Variants in RAB3GAP2 observed in about 807,000 individuals in gnomAD.
RAB3GAP2 encodes rab3 GTPase-activating protein non-catalytic subunit.
In RAB3GAP2, 87 loss-of-function variants were observed where a neutral mutation model predicts 185.3. The ratio of observed to expected loss-of-function variants is 0.47; its 90% CI spans 0.39 to 0.56. The LOEUF (loss-of-function observed/expected upper bound fraction) is 0.56, where lower values mean the gene tolerates loss of function less well. Among genes scored for constraint, RAB3GAP2 ranks in the 20% least tolerant of loss-of-function variants. The probability of loss-of-function intolerance (pLI) is 0.00; values close to 1 mark genes in which losing one functional copy is unlikely to be tolerated. For missense variants in RAB3GAP2, 1,492 were observed against 1,638.2 expected, an observed-to-expected ratio of 0.91 and a Z score of 1.54; for synonymous variants, 554 against 576.1, an observed-to-expected ratio of 0.96 and a Z score of 0.55.
At chr1:220,201,301 C>T (rs1658853230) in intron 9 of RAB3GAP2, among the ~76,000 whole-genome samples, 1 of 152,010 alleles carries the variant, frequency 6.6e-6, no homozygotes, top group African/African-American at 2.4e-5. Context: ...CTACCTCAGC[C>T]TTCTGAGTAG....
intron 31 of RAB3GAP2, chr1:220,154,308 C>T: frequency 2.3e-6 from 1 of 432,700 alleles, no homozygotes; most frequent in South Asian, 2.6e-5. Flanking sequence ...AGGCTGATGA[C>T]TTGCTTCTAG....
Position 220,170,889 on chromosome 1 carries a change from T to C in RAB3GAP2, c.2806+3A>G, listed in dbSNP as rs754249868. On this transcript the variant is annotated splice_donor_region_variant and intron_variant, in intron 24 of 34. Transcript: ENST00000358951. ...GCAAATGCTCAAATAAACTTCAGCT[T>C]ACCTTTTCCTCCTTCTAATAACTTT... The C allele has an allele frequency of 3.7e-6, 6 of 1,608,798 alleles. No individual in the cohort carries two copies. Among genetic ancestry groups the C allele is most frequent in the Non-Finnish European group, 4.3e-6 (5 of 1,175,056 alleles).
Position 220,162,146 on chromosome 1 carries a change from G to A in RAB3GAP2, c.3225+52C>T, listed in dbSNP as rs79156045. ...AATGTGAACAATCTTTCTAATATTA[G>A]TCAAATAAGAGAATCAAATAAATAA... On this transcript the variant is annotated intron_variant, in intron 28 of 34. Transcript: ENST00000358951. 8.0e-4 allele frequency: 1,044 copies of A among 1,305,596 alleles called. 3 individuals carry two copies. In the East Asian group the frequency reaches 0.018, roughly 23 times the overall value. The allele number at this position is 1,305,596 out of a possible 1,614,324, so 80.9% of individuals were successfully genotyped here. A position where few individuals can be genotyped will look rare whatever the true frequency, so the allele number is the denominator to read the frequency against.
chr1:220,272,425 A>T lies in RAB3GAP2; in HGVS notation c.-88T>A, dbSNP rs937827352. 1 of 845,394 alleles carries T rather than the reference A, an allele frequency of 1.2e-6. No homozygotes were observed. Among genetic ancestry groups the T allele is most frequent in the African/African-American group, 1.7e-5 (1 of 58,882 alleles). 52.4% of individuals were successfully genotyped at this position (845,394 alleles called of 1,614,324 possible). A position where few individuals can be genotyped will look rare whatever the true frequency, so the allele number is the denominator to read the frequency against. On this transcript the variant is annotated 5_prime_UTR_variant, in exon 1 of 35. Transcript: ENST00000358951. ...ACTGCGGCCGCCACCGAGCCCCAAT[A>T]GCTCTAGCCAAGCAGAAGGCGGAGA...
At chr1:220,219,278 G>A (rs1388607502) in intron 2 of RAB3GAP2, among the ~76,000 whole-genome samples, 1 of 148,246 alleles carries the variant, frequency 6.7e-6, no homozygotes, top group Non-Finnish European at 1.5e-5. Context: ...GAAGCCAACT[G>A]ACAGGATGAT....
In RAB3GAP2 at chr1:220,148,815, G is replaced by A. The variant is rs1030818598; in HGVS notation, c.*2436C>T. On this transcript the variant is annotated 3_prime_UTR_variant, in exon 35 of 35. Transcript: ENST00000358951. ...TATCTCTTTATCTACATTTACCCTG[G>A]CCCCTCTAGTTCTGCATCTAAACAG... 2 of 151,974 alleles carry A rather than the reference G, an allele frequency of 1.3e-5. No homozygotes were observed. The highest frequency in any genetic ancestry group is 2.9e-5 in the Non-Finnish European group (2 of 68,002). 9.4% of individuals were successfully genotyped at this position (151,974 alleles called of 1,614,324 possible).
At chr1:220,243,695 C>T (rs1391221127) in intron 1 of RAB3GAP2, among the ~76,000 whole-genome samples, 1 of 152,198 alleles carries the variant, frequency 6.6e-6, no homozygotes, top group East Asian at 1.9e-4. Context: ...TTTGAGTCCA[C>T]TCACAGTCTC....
chr1:220,195,295 T>A lies in RAB3GAP2; in HGVS notation c.1040+3A>T, dbSNP rs1419804054. ...TTTGTTATTTTAATTGTTAAGTAAT[T>A]ACCTGGCAGCATTAAATAAAGCAGA... On this transcript the variant is annotated splice_donor_region_variant and intron_variant, in intron 11 of 34. Transcript: ENST00000358951. 6.2e-7 allele frequency: 1 copy of A among 1,605,562 alleles called. No homozygotes were observed. The highest frequency in any genetic ancestry group is 8.5e-7 in the Non-Finnish European group (1 of 1,172,200).
intron 1 of RAB3GAP2, among the ~76,000 whole-genome samples, chr1:220,253,157 G>C (rs1659969956): frequency 6.6e-6 from 1 of 152,202 alleles, no homozygotes; most frequent in Non-Finnish European, 1.5e-5. Flanking sequence ...ATTGTGACCA[G>C]ACTGCTTCTT....
chr1:220,167,298 G>A lies in RAB3GAP2; in HGVS notation c.3082C>T (p.Pro1028Ser). The A allele has an allele frequency of 6.2e-7, 1 of 1,613,082 alleles. No individual in the cohort carries two copies. Reference sequence around the variant, plus strand: ...AGAGGTAACGAGAATCTTACCTCTGGATCTTTATTCCACTGAACAACGTAC... The same window carrying A: ...AGAGGTAACGAGAATCTTACCTCTGAATCTTTATTCCACTGAACAACGTAC... ...WEYVVQWNKD[P>S]EEARFFVRSI... The change falls in exon 26 of 35, where the codon CCA becomes TCA. Residue 1028 changes from proline (P) to serine (S), a missense_variant. This residue lies in a region of RAB3GAP2 where 387 missense variants were observed against 455.3 expected (regional missense o/e 0.85). Transcript: ENST00000358951.
chr1:220,185,608 T>C (rs376507460), intron 18 of RAB3GAP2, 43 bp downstream of exon 18: 2 of 1,453,524 alleles, frequency 1.4e-6, no homozygotes, highest in Non-Finnish European at 1.9e-6. Context: ...GTTACAAAAT[T>C]TGAGTTAAGA....
In RAB3GAP2 at chr1:220,167,298, G is replaced by C. The variant is rs1474788064; in HGVS notation, c.3082C>G (p.Pro1028Ala). 2 of 1,613,082 alleles carry C rather than the reference G, an allele frequency of 1.2e-6. No individual in the cohort carries two copies. Among genetic ancestry groups the C allele is most frequent in the Middle Eastern group, 1.7e-4 (1 of 6,060 alleles). The change falls in exon 26 of 35, where the codon CCA (proline) becomes GCA (alanine). Residue 1028 changes from proline (P) to alanine (A), a missense_variant. By Grantham distance (27) the Pro-to-Ala change is conservative (BLOSUM62 -1). Around this residue, in one of 5 missense-constraint regions of RAB3GAP2, gnomAD observed 387 missense variants for 455.3 expected, o/e 0.85. Coordinates refer to ENST00000358951, the MANE Select transcript of RAB3GAP2 (RefSeq NM_012414.4). ...WEYVVQWNKD[P>A]EEARFFVRSI... ...AGAGGTAACGAGAATCTTACCTCTG[G>C]ATCTTTATTCCACTGAACAACGTAC... is the stretch of plus-strand genomic sequence containing the variant.
intron 3 of RAB3GAP2, 40 bp from the exon 4 acceptor site, chr1:220,213,008 T>C (rs1446937164): frequency 4.9e-6 from 7 of 1,421,750 alleles, no homozygotes; most frequent in Admixed American, 3.7e-5. Context: ...ATTTTAGCTA[T>C]AATACACTAA....
Position 220,195,116 on chromosome 1 carries a change from T to C in RAB3GAP2, c.1092A>G (p.Gln364=), listed in dbSNP as rs772862686. 29 of 1,614,064 alleles carry C rather than the reference T, an allele frequency of 1.8e-5. No homozygotes were observed. Among genetic ancestry groups the C allele is most frequent in the Non-Finnish European group, 2.2e-5 (26 of 1,180,028 alleles). The part of the protein sequence containing the change: ...SKHEEEAVQK[Q]KPKVEPATPL... ...GGGTAGCTGGCTCAACCTTCGGCTT[T>C]TGCTTTTGGACAGCTTCTTCTTCGT... is the stretch of plus-strand genomic sequence containing the variant. Residue 364 remains glutamine (Q), a synonymous_variant, in exon 12 of 35, where the codon CAA becomes CAG. Coordinates refer to ENST00000358951, the MANE Select transcript of RAB3GAP2 (RefSeq NM_012414.4).
At chr1:220,270,205 CAT>C (rs1660309728) in intron 1 of RAB3GAP2, among the ~76,000 whole-genome samples, 2 of 152,236 alleles carry the variant, frequency 1.3e-5, no homozygotes, top group South Asian at 4.1e-4. Context: ...CTTACTCTCA[CAT>C]GATTTTCCTC....
chr1:220,237,164 C>T (rs1659609475), intron 1 of RAB3GAP2, among the ~76,000 whole-genome samples: 1 of 152,138 alleles, frequency 6.6e-6, no homozygotes, highest in African/African-American at 2.4e-5. Flanking sequence ...CCAGGACAGC[C>T]AACTTCTTTA....
At chr1:220,226,254 A>G (rs867317206) in intron 2 of RAB3GAP2, among the ~76,000 whole-genome samples, 3 of 152,182 alleles carry the variant, frequency 2.0e-5, no homozygotes, top group Admixed American at 6.5e-5. Flanking sequence ...TAATACACCA[A>G]TGAAGGAAAG....
chr1:220,230,586 C>G (rs561063057), intron 2 of RAB3GAP2, among the ~76,000 whole-genome samples: 65 of 152,310 alleles, frequency 4.3e-4, no homozygotes, highest in African/African-American at 1.5e-3. Flanking sequence ...GAGCATATCT[C>G]TACTTCTTAG....
intron 21 of RAB3GAP2, among the ~76,000 whole-genome samples, chr1:220,178,417 G>GA (rs778080048): frequency 1.3e-5 from 2 of 152,158 alleles, no homozygotes; most frequent in South Asian, 2.1e-4. Flanking sequence ...AAGACTAAAA[G>GA]AAAAAACTAT....
Sources: allele counts gnomAD v4.1 joint callset (sites outside exome capture counted in the v4.1 genomes callset), GRCh38; gene constraint gnomAD v4.1.1; regional missense constraint gnomAD v4.1.1; transcripts MANE v1.5; gene names NCBI Gene and HGNC (gene_info 2026-07-23, HGNC 2026-07-21).